Variants in UBTD1 observed in about 807,000 individuals in gnomAD.
The protein encoded by UBTD1 is ubiquitin domain-containing protein 1.
UBTD1 carries 19 observed loss-of-function variants against 21.7 expected under a neutral mutation model. That is an observed-to-expected ratio of 0.87 (90% CI 0.61 to 1.28). UBTD1 has a LOEUF of 1.28. Ranked by LOEUF, UBTD1 falls within the 50% of genes most tolerant of loss-of-function variation. The pLI, the probability that UBTD1 is intolerant of heterozygous loss-of-function variation, is 0.00. For missense variants in UBTD1, 282 were observed against 315.1 expected, an observed-to-expected ratio of 0.89 and a Z score of 0.80; for synonymous variants, 116 against 135.1, an observed-to-expected ratio of 0.86 and a Z score of 0.98.
At chr10:97,533,321 T>C (rs763245996) in intron 1 of UBTD1, among the ~76,000 whole-genome samples, 7 of 152,212 alleles carry the variant, frequency 4.6e-5, no homozygotes, top group Non-Finnish European at 8.8e-5. Context: ...CTGGCATCTA[T>C]GAAGGGAGGA....
At chr10:97,507,283 C>G (rs1315520798) in intron 1 of UBTD1, among the ~76,000 whole-genome samples, 2 of 152,098 alleles carry the variant, frequency 1.3e-5, no homozygotes, top group Non-Finnish European at 2.9e-5. Context: ...ATCATTTATG[C>G]TGGGCTCAAA....
At chr10:97,545,296 C>T (rs369879108) in intron 1 of UBTD1, among the ~76,000 whole-genome samples, 1 of 150,436 alleles carries the variant, frequency 6.6e-6, no homozygotes, top group African/African-American at 2.4e-5. Flanking sequence ...AGTTGAGATC[C>T]GCCACTGCAC....
In UBTD1 at chr10:97,549,016, C is replaced by T. The variant is rs760981248; in HGVS notation, c.71-18898C>T. On this transcript the variant is annotated intron_variant, in intron 1 of 2. Coordinates refer to ENST00000370664, the MANE Select transcript of UBTD1 (RefSeq NM_024954.5). ...CTCTCCCTGAGCCCAGCCAGGCAGC[C>T]GACCCCGTGAATGTGTACGTTGTAT... 4.6e-5 allele frequency among the ~76,000 whole-genome samples: 7 copies of T among 152,220 alleles called. No individual in the cohort carries two copies. The South Asian group carries it at 8.3e-4, about 18-fold the overall frequency.
chr10:97,548,638 A>G (rs1160822227), intron 1 of UBTD1, among the ~76,000 whole-genome samples: 1 of 152,116 alleles, frequency 6.6e-6, no homozygotes, highest in Non-Finnish European at 1.5e-5. Context: ...AAAACTAGCC[A>G]TGGTGGCACA....
intron 1 of UBTD1, among the ~76,000 whole-genome samples, chr10:97,547,172 CGCTTCTAGGCACCTG>C (rs1274418908): frequency 1.3e-5 from 2 of 152,206 alleles, no homozygotes; most frequent in African/African-American, 2.4e-5. Flanking sequence ...CTGTGCCGTT[CGCTTCTAGGCACCTG>C]GCTGCCGTGC....
intron 1 of UBTD1, among the ~76,000 whole-genome samples, chr10:97,554,784 C>T (rs1240084304): frequency 6.6e-6 from 1 of 152,130 alleles, no homozygotes; most frequent in African/African-American, 2.4e-5. Flanking sequence ...GACCTCCTGG[C>T]CTTAAGTGAT....
chr10:97,504,362 G>A (rs2040389999), intron 1 of UBTD1, among the ~76,000 whole-genome samples: 1 of 152,090 alleles, frequency 6.6e-6, no homozygotes, highest in South Asian at 2.1e-4. Flanking sequence ...TCTTGTGTTG[G>A]TCTACAAGAT....
At chr10:97,509,758 C>T (rs988622137) in intron 1 of UBTD1, among the ~76,000 whole-genome samples, 3 of 151,978 alleles carry the variant, frequency 2.0e-5, no homozygotes, top group Non-Finnish European at 4.4e-5. Context: ...TCAAGCGATT[C>T]TCCTACCTCA....
chr10:97,560,403 C>A (rs1003775511), intron 1 of UBTD1, among the ~76,000 whole-genome samples: 2 of 152,102 alleles, frequency 1.3e-5, no homozygotes, highest in African/African-American at 4.8e-5. Context: ...TTAATAAGAC[C>A]TTGTTTAGTC....
intron 1 of UBTD1, among the ~76,000 whole-genome samples, chr10:97,556,890 C>A (rs1056285922): frequency 6.6e-6 from 1 of 152,200 alleles, no homozygotes; most frequent in Non-Finnish European, 1.5e-5. Flanking sequence ...TGGAACTCCA[C>A]CATGTAACTG....
chr10:97,531,994 A>T (rs1316841422), intron 1 of UBTD1, among the ~76,000 whole-genome samples: 2 of 152,178 alleles, frequency 1.3e-5, no homozygotes, highest in African/African-American at 4.8e-5. Context: ...CAGCAGGAAG[A>T]CTCAGCAACA....
At chr10:97,549,983 C>T (rs1639064746) in intron 1 of UBTD1, among the ~76,000 whole-genome samples, 4 of 152,182 alleles carry the variant, frequency 2.6e-5, no homozygotes, top group Admixed American at 2.0e-4. Context: ...CCCTTGTTCC[C>T]GCTGCCAGGT....
intron 1 of UBTD1, among the ~76,000 whole-genome samples, chr10:97,504,502 C>T (rs921863190): frequency 6.6e-6 from 1 of 152,186 alleles, no homozygotes; most frequent in Admixed American, 6.5e-5. Context: ...GAATCAAACC[C>T]TCCCAGGCCA....
intron 1 of UBTD1, among the ~76,000 whole-genome samples, chr10:97,505,383 G>A (rs1201321616): frequency 6.6e-6 from 1 of 152,142 alleles, no homozygotes; most frequent in Non-Finnish European, 1.5e-5. Context: ...AAGTGGTTGA[G>A]GTCAAGTGTA....
intron 1 of UBTD1, among the ~76,000 whole-genome samples, chr10:97,556,392 A>G (rs2040664285): frequency 6.6e-6 from 1 of 152,214 alleles, no homozygotes; most frequent in Non-Finnish European, 1.5e-5. Context: ...GAGCTAGTCT[A>G]TTTTGATAGA....
At chr10:97,550,922 A>T (rs2040634096) in intron 1 of UBTD1, among the ~76,000 whole-genome samples, 1 of 152,100 alleles carries the variant, frequency 6.6e-6, no homozygotes, top group South Asian at 2.1e-4. Flanking sequence ...TCCAGCCCAG[A>T]CGTAGTGCCC....
At chr10:97,559,044 T>G (rs1207698001) in intron 1 of UBTD1, among the ~76,000 whole-genome samples, 2 of 152,160 alleles carry the variant, frequency 1.3e-5, no homozygotes, top group Non-Finnish European at 2.9e-5. Context: ...ATTGATAAGC[T>G]CTTGAAAATT....
chr10:97,501,308 C>T (rs1487235118), intron 1 of UBTD1, among the ~76,000 whole-genome samples: 1 of 152,228 alleles, frequency 6.6e-6, no homozygotes, highest in Non-Finnish European at 1.5e-5. Flanking sequence ...TGTACTTGGC[C>T]AGGCGTGGTG....
chr10:97,568,546 T>C (rs1017609420), intron 2 of UBTD1, among the ~76,000 whole-genome samples: 7 of 151,976 alleles, frequency 4.6e-5, no homozygotes, highest in African/African-American at 1.7e-4. Flanking sequence ...CTCAGCCTCC[T>C]GAGTAGCTGG....
Sources: gnomAD v4.1 joint callset for allele counts (sites outside exome capture counted in the v4.1 genomes callset) on GRCh38, gnomAD v4.1.1 for gene constraint, MANE v1.5 for transcripts, NCBI Gene and HGNC (gene_info 2026-07-23, HGNC 2026-07-21) for gene names.